The following PLCB1 variants were observed in gnomAD, a reference collection of about 807,000 sequenced individuals.
The protein encoded by PLCB1 is 1-phosphatidylinositol 4,5-bisphosphate phosphodiesterase beta-1.
In PLCB1, 46 loss-of-function variants were observed where a neutral mutation model predicts 161.8. The observed-to-expected ratio is 0.28, with a 90% CI of 0.22 to 0.36. The LOEUF (loss-of-function observed/expected upper bound fraction) is 0.36, where lower values mean the gene tolerates loss of function less well. Ranked by LOEUF, PLCB1 falls within the 10% of genes least tolerant of loss-of-function variation. PLCB1 has a pLI of 1.00. For missense variants in PLCB1, 1,016 were observed against 1,472.5 expected (o/e 0.69, Z 5.07); for synonymous variants, 517 against 503.7 (o/e 1.03, Z -0.35).
intron 2 of PLCB1, among the ~76,000 whole-genome samples, chr20:8,220,275 T>C (rs1979335357): frequency 6.6e-6 from 1 of 152,112 alleles, no homozygotes; most frequent in South Asian, 2.1e-4. Flanking sequence ...AAAGTGCTAA[T>C]CAAATACAGG....
intron 2 of PLCB1, among the ~76,000 whole-genome samples, chr20:8,154,840 T>C (rs1177970566): frequency 2.0e-5 from 3 of 152,184 alleles, no homozygotes; most frequent in Non-Finnish European, 4.4e-5. Flanking sequence ...ACACTCTTCC[T>C]GTCTGTGGTT....
At position 8,835,601 on chromosome 20, in the gene PLCB1, G is replaced by A. The variant is rs144045843; in HGVS notation, c.3423+45340G>A. On this transcript the variant is annotated intron_variant, in intron 31 of 31. Transcript: ENST00000338037. ...TAGCCTGTCCTGAGTATTGTGGTTCGAATTCATTTGTGGACTCTTGAGTAG... is the reference window on the plus strand; with the variant it reads ...TAGCCTGTCCTGAGTATTGTGGTTCAAATTCATTTGTGGACTCTTGAGTAG... Among the ~76,000 whole-genome samples, 32 of 152,130 alleles carry A rather than the reference G, an allele frequency of 2.1e-4. No homozygotes were observed. The East Asian group carries it at 5.7e-3, about 27-fold the overall frequency.
intron 4 of PLCB1, among the ~76,000 whole-genome samples, chr20:8,632,688 C>T (rs1988636663): frequency 6.6e-6 from 1 of 152,212 alleles, no homozygotes; most frequent in African/African-American, 2.4e-5. Context: ...GGAGAGACAG[C>T]ACTGCGCTTG....
intron 3 of PLCB1, among the ~76,000 whole-genome samples, chr20:8,517,463 A>G (rs769281639): frequency 1.8e-4 from 28 of 152,172 alleles, no homozygotes; most frequent in Non-Finnish European, 2.4e-4. Flanking sequence ...GAGAGAGGCC[A>G]GTGGTGGTGA....
chr20:8,418,927 G>A (rs1395603396), intron 3 of PLCB1, among the ~76,000 whole-genome samples: 1 of 152,108 alleles, frequency 6.6e-6, no homozygotes, highest in Non-Finnish European at 1.5e-5. Flanking sequence ...GGCAACAGCT[G>A]AGGTTTCTTA....
chr20:8,604,864 G>A (rs1017752809), intron 3 of PLCB1, among the ~76,000 whole-genome samples: 3 of 151,998 alleles, frequency 2.0e-5, no homozygotes, highest in Non-Finnish European at 4.4e-5. Context: ...GCAACACAAA[G>A]GTCTTGGGTG....
At chr20:8,584,108 TA>T (rs1489726790) in intron 3 of PLCB1, among the ~76,000 whole-genome samples, 5 of 152,186 alleles carry the variant, frequency 3.3e-5, no homozygotes, top group Admixed American at 1.3e-4. Flanking sequence ...CTTCTAGAAT[TA>T]GTTTAATTAT....
In PLCB1 at chr20:8,539,641, T is replaced by TTTCTTTCTTTCC. The variant is rs1348941612; in HGVS notation, c.247-88642_247-88641insCTTCTTTCTTTC. The stretch of plus-strand genomic sequence containing the variant: ...TTTTCTTTCTTTCTTTCTTTCTTTC[T>TTTCTTTCTTTCC]TTCTTTCTTTCTTTCTTTCTTTCTT... On this transcript the variant is annotated intron_variant, in intron 3 of 31. Coordinates refer to ENST00000338037, the MANE Select transcript of PLCB1 (RefSeq NM_015192.4). Among the ~76,000 whole-genome samples, 80 of 51,166 alleles carry TTTCTTTCTTTCC rather than the reference T, an allele frequency of 1.6e-3. 3 individuals carry two copies. Among genetic ancestry groups the TTTCTTTCTTTCC allele is most frequent in the African/African-American group, 6.8e-3 (78 of 11,408 alleles). 33.6% of individuals were successfully genotyped at this position (51,166 alleles called of 152,430 possible).
chr20:8,458,032 T>C (rs1981405224), intron 3 of PLCB1, among the ~76,000 whole-genome samples: 1 of 151,978 alleles, frequency 6.6e-6, no homozygotes, highest in African/African-American at 2.4e-5. Context: ...ACCTTTAGAG[T>C]GAAACAAAGA....
At chr20:8,567,788 C>T (rs1389273143) in intron 3 of PLCB1, among the ~76,000 whole-genome samples, 1 of 152,168 alleles carries the variant, frequency 6.6e-6, no homozygotes, top group East Asian at 1.9e-4. Context: ...GTGGTATGTT[C>T]CTTCTCTACT....
At chr20:8,333,916 A>G (rs1334402123) in intron 2 of PLCB1, among the ~76,000 whole-genome samples, 1 of 152,194 alleles carries the variant, frequency 6.6e-6, no homozygotes, top group African/African-American at 2.4e-5. Context: ...GGAATAGAAA[A>G]CATTAGCTTT....
At chr20:8,620,653 C>T (rs914947264) in intron 3 of PLCB1, among the ~76,000 whole-genome samples, 3 of 149,536 alleles carry the variant, frequency 2.0e-5, no homozygotes, top group East Asian at 2.0e-4. Context: ...GCCTAAGAAT[C>T]GCATGAGCCC....
intron 3 of PLCB1, among the ~76,000 whole-genome samples, chr20:8,403,822 T>G (rs770003322): frequency 6.6e-5 from 10 of 152,190 alleles, no homozygotes; most frequent in Non-Finnish European, 1.3e-4. Flanking sequence ...CTAGAATAGG[T>G]GCACCCATGA....
chr20:8,667,624 AG>A (rs1253517508), intron 9 of PLCB1, among the ~76,000 whole-genome samples: 2 of 152,230 alleles, frequency 1.3e-5, no homozygotes, highest in African/African-American at 4.8e-5. Context: ...CTGGCCAGAA[AG>A]TCACAGCCCT....
chr20:8,778,599 G>C (rs1159645524), intron 27 of PLCB1, among the ~76,000 whole-genome samples: 1 of 152,108 alleles, frequency 6.6e-6, no homozygotes, highest in East Asian at 1.9e-4. Flanking sequence ...TAAAAGTTTT[G>C]AAGACTGTTC....
At chr20:8,358,342 G>A (rs938631401) in intron 2 of PLCB1, among the ~76,000 whole-genome samples, 10 of 151,988 alleles carry the variant, frequency 6.6e-5, no homozygotes, top group Non-Finnish European at 1.3e-4. Context: ...TCCGCCTCCC[G>A]GGTTCGAGCG....
At chr20:8,487,850 C>T (rs184848435) in intron 3 of PLCB1, among the ~76,000 whole-genome samples, 208 of 152,256 alleles carry the variant, frequency 1.4e-3, no homozygotes, top group African/African-American at 4.9e-3. Flanking sequence ...TTTACCGAGG[C>T]TGGTGCACCC....
chr20:8,505,521 C>T (rs1001449356), intron 3 of PLCB1, among the ~76,000 whole-genome samples: 1 of 152,166 alleles, frequency 6.6e-6, no homozygotes, highest in African/African-American at 2.4e-5. Context: ...AGAAATATAG[C>T]CTACTAGTCA....
At chr20:8,811,280 T>C (rs532753262) in intron 31 of PLCB1, among the ~76,000 whole-genome samples, 1 of 152,310 alleles carries the variant, frequency 6.6e-6, no homozygotes, top group Non-Finnish European at 1.5e-5. Context: ...ACAGCTTATC[T>C]AACACTCATT....
Sources: allele counts gnomAD v4.1 joint callset (sites outside exome capture counted in the v4.1 genomes callset), GRCh38; gene constraint gnomAD v4.1.1; transcripts MANE v1.5; gene names NCBI Gene and HGNC (gene_info 2026-07-23, HGNC 2026-07-21).